The following ZNF324B variants were observed in gnomAD, a reference collection of about 807,000 sequenced individuals.
ZNF324B encodes zinc finger protein 324B.
Under a neutral mutation model 10.6 loss-of-function variants are expected in ZNF324B, and 7 were observed. The ratio of observed to expected loss-of-function variants is 0.66; its 90% CI spans 0.38 to 1.24. The LOEUF is 1.24. Ranked by LOEUF, ZNF324B falls within the 50% of genes most tolerant of loss-of-function variation. ZNF324B has a pLI of 0.02. For missense variants in ZNF324B, 640 were observed against 764.7 expected, an observed-to-expected ratio of 0.84 and a Z score of 1.92; for synonymous variants, 316 against 321.0, an observed-to-expected ratio of 0.98 and a Z score of 0.17.
the ZNF324B span, among the ~76,000 whole-genome samples, chr19:58,420,782 A>G: frequency 1.3e-5 from 2 of 151,392 alleles, no homozygotes; most frequent in African/African-American, 2.4e-5. Flanking sequence ...ATCTCAGCAC[A>G]CTGCAACCTC....
intron 1 of ZNF324B, among the ~76,000 whole-genome samples, chr19:58,452,949 A>T (rs1178982451): frequency 6.6e-6 from 1 of 151,946 alleles, no homozygotes; most frequent in Non-Finnish European, 1.5e-5. Flanking sequence ...ATCCAAAAAA[A>T]TTAGCCAGGT....
At chr19:58,451,978 T>A (rs963518389) in intron 1 of ZNF324B, 1 of 231,928 alleles carries the variant, frequency 4.3e-6, no homozygotes, top group African/African-American at 2.4e-5. Flanking sequence ...GCGGTGGCGC[T>A]GACAAGCCCG....
At chr19:58,434,361 G>A in the ZNF324B span, 1 of 1,614,096 alleles carries the variant, frequency 6.2e-7, no homozygotes, top group African/African-American at 1.3e-5. Context: ...GCCGAATGAG[G>A]TGTGATCTGT....
chr19:58,432,201 T>C, the ZNF324B span: 1 of 432,800 alleles, frequency 2.3e-6, no homozygotes, highest in Admixed American at 2.7e-5. Context: ...CGTCAGGCTA[T>C]CACTTCTCTC....
chr19:58,424,305 C>T, the ZNF324B span, among the ~76,000 whole-genome samples: 3 of 152,168 alleles, frequency 2.0e-5, no homozygotes, highest in South Asian at 2.1e-4. Flanking sequence ...AGGAAAAGCA[C>T]GTGTTGGGAG....
At chr19:58,453,388 T>A (rs764678522) in intron 1 of ZNF324B, 38 of 465,132 alleles carry the variant, frequency 8.2e-5, no homozygotes, top group Non-Finnish European at 1.4e-4. Flanking sequence ...TGAATGGTCA[T>A]GCTGAGTCAC....
At chr19:58,434,902 TTCA>T in the ZNF324B span, 1 of 1,614,214 alleles carries the variant, frequency 6.2e-7, no homozygotes, top group Non-Finnish European at 8.5e-7. Context: ...TTTAGAGCTC[TTCA>T]TAAGTGCGTC....
chr19:58,455,721 C>G lies in ZNF324B; in HGVS notation c.777C>G (p.Cys259Trp). ...ALHAGEKSFECRACSKVFVKS... is the reference protein window; with the variant it reads ...ALHAGEKSFEWRACSKVFVKS... Reference sequence around the variant, plus strand: ...ACGCTGGGGAGAAGTCCTTCGAATGCAGGGCGTGCAGCAAAGTGTTCGTGA... The same window carrying G: ...ACGCTGGGGAGAAGTCCTTCGAATGGAGGGCGTGCAGCAAAGTGTTCGTGA... The change falls in exon 4 of 4, where the codon TGC becomes TGG. Residue 259 changes from cysteine (C) to tryptophan (W), a missense_variant. Physicochemically the swap from Cys to Trp is radical, Grantham distance 215 (BLOSUM62 -2). Transcript: ENST00000336614. The surrounding 1 kb of genome is among the most constrained non-coding windows in gnomAD (Gnocchi z 7.0). 1 of 1,613,738 alleles carries G rather than the reference C, an allele frequency of 6.2e-7. No individual in the cohort carries two copies.
chr19:58,445,589 G>A, the ZNF324B span: 1 of 463,176 alleles, frequency 2.2e-6, no homozygotes, highest in Non-Finnish European at 4.3e-6. Flanking sequence ...GCTAAGGCAG[G>A]GGGATCACCT....
the ZNF324B span, among the ~76,000 whole-genome samples, chr19:58,425,488 T>A: frequency 1.3e-5 from 2 of 149,436 alleles, no homozygotes; most frequent in Non-Finnish European, 3.0e-5. Flanking sequence ...TTTTTTTTTT[T>A]AGACAGAATT....
At chr19:58,434,118 AT>A in the ZNF324B span, 1 of 1,610,344 alleles carries the variant, frequency 6.2e-7, no homozygotes, top group East Asian at 2.2e-5. Context: ...GGTTGGAGTT[AT>A]TGTTAAAAGC....
chr19:58,429,316 C>G, the ZNF324B span: 1 of 152,220 alleles, frequency 6.6e-6, no homozygotes. Context: ...TGAGACTAAA[C>G]AGATCATTCC....
the ZNF324B span, chr19:58,435,089 A>C: frequency 6.2e-7 from 1 of 1,614,060 alleles, no homozygotes; most frequent in Admixed American, 1.7e-5. Flanking sequence ...AATGGCCCAC[A>C]CATGTCACAG....
At chr19:58,437,457 G>C in the ZNF324B span, among the ~76,000 whole-genome samples, 1 of 152,106 alleles carries the variant, frequency 6.6e-6, no homozygotes, top group African/African-American at 2.4e-5. Flanking sequence ...ACCCAACCTA[G>C]AGGAACAATA....
At chr19:58,432,097 G>A in the ZNF324B span, among the ~76,000 whole-genome samples, 4 of 152,112 alleles carry the variant, frequency 2.6e-5, no homozygotes, top group Non-Finnish European at 5.9e-5. Context: ...CCATCTGCCT[G>A]TGCCCACTCT....
Position 58,455,214 on chromosome 19 carries a change from T to A in ZNF324B, c.270T>A (p.Val90=). ...GGAGTTTGACAGAGGATAGAGATGTTTCTGGAGAATGGCCACGAGCTTTCC... is the reference window on the plus strand; with the variant it reads ...GGAGTTTGACAGAGGATAGAGATGTATCTGGAGAATGGCCACGAGCTTTCC... ...GSWSLTEDRD[V]SGEWPRAFPD... The change falls in exon 4 of 4, where the codon GTT becomes GTA. Residue 90 remains valine (V), a synonymous_variant. Coordinates refer to ENST00000336614, the MANE Select transcript of ZNF324B (RefSeq NM_207395.3). This position sits in a 1 kb window ranked among gnomAD's most constrained non-coding sequence, Gnocchi z 7.0. 6.2e-7 allele frequency: 1 copy of A among 1,614,166 alleles called. No homozygotes were observed. Among genetic ancestry groups the A allele is most frequent in the African/African-American group, 1.3e-5 (1 of 75,012 alleles).
At chr19:58,439,354 G>T in the ZNF324B span, among the ~76,000 whole-genome samples, 31,506 of 151,990 alleles carry the variant, frequency 0.21, 3,662 homozygotes, top group Non-Finnish European at 0.27. Flanking sequence ...ACCTTCCATG[G>T]CTCCCACCAC....
the ZNF324B span, among the ~76,000 whole-genome samples, chr19:58,432,517 C>G: frequency 6.6e-6 from 1 of 152,156 alleles, no homozygotes; most frequent in African/African-American, 2.4e-5. Context: ...TCCATGGACC[C>G]CTCTAGGTCT....
the ZNF324B span, chr19:58,433,680 C>T: frequency 2.5e-6 from 4 of 1,614,064 alleles, no homozygotes; most frequent in Non-Finnish European, 3.4e-6. Context: ...CTTTCTGATG[C>T]TTAATGAGAA....
Sources: allele counts gnomAD v4.1 joint callset (sites outside exome capture counted in the v4.1 genomes callset), GRCh38; gene constraint gnomAD v4.1.1; non-coding constraint Gnocchi (gnomAD v3.1); transcripts MANE v1.5; gene names NCBI Gene and HGNC (gene_info 2026-07-23, HGNC 2026-07-21).